The following ALX1 variants were observed in gnomAD, a reference collection of about 807,000 sequenced individuals.
ALX1 encodes ALX homeobox 1.
Under a neutral mutation model 31.7 loss-of-function variants are expected in ALX1, and 19 were observed. That is an observed-to-expected ratio of 0.60 (90% confidence interval 0.42 to 0.88). ALX1 has a LOEUF of 0.88. Among genes scored for constraint, ALX1 ranks in the 40% least tolerant of loss-of-function variants. The probability of loss-of-function intolerance (pLI) is 0.00; values close to 1 mark genes in which losing one functional copy is unlikely to be tolerated. For missense variants in ALX1, 415 were observed against 407.8 expected, an observed-to-expected ratio of 1.02 and a Z score of -0.15; for synonymous variants, 153 against 148.8, an observed-to-expected ratio of 1.03 and a Z score of -0.20.
intron 3 of ALX1, among the ~76,000 whole-genome samples, chr12:85,299,407 A>C (rs1896932669): frequency 6.6e-6 from 1 of 151,618 alleles, no homozygotes; most frequent in Non-Finnish European, 1.5e-5. Context: ...CCAGAATTAG[A>C]ACATAGCCTG....
intron 3 of ALX1, among the ~76,000 whole-genome samples, chr12:85,288,279 T>C (rs1005719363): frequency 6.6e-6 from 1 of 151,510 alleles, no homozygotes; most frequent in Non-Finnish European, 1.5e-5. Flanking sequence ...AGAAGACTAT[T>C]CTTATGGATA....
At position 85,301,611 on chromosome 12, in the gene ALX1, A is replaced by G; in HGVS notation, c.*136A>G. On this transcript the variant is annotated 3_prime_UTR_variant, in exon 4 of 4. Coordinates refer to ENST00000316824, the MANE Select transcript of ALX1 (RefSeq NM_006982.3). ...ATATTCAGTGAGACCAGCTTAAATG[A>G]ATAGTTGTTATTTAACATTAAAATC... 1 of 879,254 alleles carries G rather than the reference A, an allele frequency of 1.1e-6. No homozygotes were observed. The highest frequency in any genetic ancestry group is 1.8e-6 in the Non-Finnish European group (1 of 570,556). The allele number at this position is 879,254 out of a possible 1,614,324, so 54.5% of individuals were successfully genotyped here.
intron 1 of ALX1, among the ~76,000 whole-genome samples, chr12:85,281,395 A>G (rs1896671185): frequency 6.6e-6 from 1 of 152,214 alleles, no homozygotes; most frequent in Non-Finnish European, 1.5e-5. Context: ...TACAATTCCA[A>G]GAGAACTTCT....
intron 3 of ALX1, among the ~76,000 whole-genome samples, chr12:85,299,746 TA>T (rs941999554): frequency 8.6e-5 from 13 of 151,874 alleles, no homozygotes; most frequent in African/African-American, 2.7e-4. Context: ...TTTATTAACA[TA>T]TTTTTTGCTC....
At chr12:85,289,776 A>G (rs1896794088) in intron 3 of ALX1, among the ~76,000 whole-genome samples, 1 of 151,266 alleles carries the variant, frequency 6.6e-6, no homozygotes, top group Non-Finnish European at 1.5e-5. Context: ...TTTAACTTAA[A>G]TATATACAAG....
At chr12:85,285,095 A>T (rs1896732333) in intron 2 of ALX1, among the ~76,000 whole-genome samples, 1 of 152,234 alleles carries the variant, frequency 6.6e-6, no homozygotes. Flanking sequence ...CCCGCTGTGT[A>T]AGTTTGAGAT....
chr12:85,286,030 GT>G (rs1896742118), intron 2 of ALX1, among the ~76,000 whole-genome samples: 1 of 151,894 alleles, frequency 6.6e-6, no homozygotes, highest in Non-Finnish European at 1.5e-5. Context: ...AGCTGCCACA[GT>G]AACTGATAGA....
chr12:85,287,212 A>G (rs2137380676), intron 3 of ALX1, among the ~76,000 whole-genome samples: 1 of 151,746 alleles, frequency 6.6e-6, no homozygotes, highest in African/African-American at 2.4e-5. Context: ...TTTTCTTTTG[A>G]ATTTTGTTGT....
intron 3 of ALX1, 106 bp downstream of exon 3, chr12:85,287,087 T>A (rs1896758795): frequency 1.5e-6 from 2 of 1,335,100 alleles, no homozygotes; most frequent in Admixed American, 3.8e-5. Flanking sequence ...TAGCCAAGAA[T>A]GAAAATCTAA....
At chr12:85,280,565 G>A (rs1896656351) in intron 1 of ALX1, 78 bp downstream of exon 1, 3 of 1,486,432 alleles carry the variant, frequency 2.0e-6, no homozygotes, top group African/African-American at 1.4e-5. Context: ...GATCAGGCAG[G>A]GAGGGAGAAA....
rs1896756883 is a variant in ALX1, at chr12:85,286,960, A to G, written c.639A>G (p.Pro213=). ...FAATYDISVL[P]RTDSYPQIQN... ...CCACCTATGATATATCAGTTTTGCC[A>G]AGGACTGACAGCTACCCACAGGTAT... The change falls in exon 3 of 4, where the codon CCA becomes CCG. Residue 213 remains proline (P), a synonymous_variant. Transcript: ENST00000316824. 6.2e-7 allele frequency: 1 copy of G among 1,612,212 alleles called. No homozygotes were observed.
chr12:85,298,469 G>A (rs776953280), intron 3 of ALX1, among the ~76,000 whole-genome samples: 15 of 151,622 alleles, frequency 9.9e-5, no homozygotes, highest in South Asian at 2.1e-4. Context: ...ACAATATACC[G>A]AGGATATTAT....
At chr12:85,286,141 A>T (rs1040889734) in intron 2 of ALX1, among the ~76,000 whole-genome samples, 4 of 151,938 alleles carry the variant, frequency 2.6e-5, no homozygotes, top group Admixed American at 6.6e-5. Flanking sequence ...GAGCATTTTC[A>T]TAAGGGAAAA....
At chr12:85,298,987 CT>C (rs924453150) in intron 3 of ALX1, among the ~76,000 whole-genome samples, 1 of 151,176 alleles carries the variant, frequency 6.6e-6, no homozygotes, top group African/African-American at 2.4e-5. Context: ...CTGATTTTAG[CT>C]TTTTCATCTA....
intron 2 of ALX1, among the ~76,000 whole-genome samples, chr12:85,285,249 CAG>C (rs1565940784): frequency 6.6e-6 from 1 of 152,002 alleles, no homozygotes; most frequent in East Asian, 1.9e-4. Context: ...AGAACATGCA[CAG>C]AGAGCCAACT....
At chr12:85,283,975 C>G in intron 2 of ALX1, 99 bp downstream of exon 2, 1 of 1,305,244 alleles carries the variant, frequency 7.7e-7, no homozygotes, top group Non-Finnish European at 1.1e-6. Context: ...CAAACTGATT[C>G]CCTAGCTGAA....
At position 85,285,074 on chromosome 12, in the gene ALX1, G is replaced by A. The variant is rs1427171123; in HGVS notation, c.531+1198G>A. On this transcript the variant is annotated intron_variant, in intron 2 of 3. Coordinates refer to ENST00000316824, the MANE Select transcript of ALX1 (RefSeq NM_006982.3). The stretch of plus-strand genomic sequence containing the variant: ...GCTAACAAAGAATTTTAGAATTGTC[G>A]AGTATTAACACCCGCTGTGTAAGTT... Among the ~76,000 whole-genome samples the A allele has an allele frequency of 3.3e-5, 5 of 152,056 alleles. No homozygotes were observed. The East Asian group carries it at 7.7e-4, about 24-fold the overall frequency.
intron 2 of ALX1, 103 bp from the exon 3 acceptor site, chr12:85,286,750 T>TA: frequency 9.2e-7 from 1 of 1,082,478 alleles, no homozygotes; most frequent in Non-Finnish European, 1.2e-6. Flanking sequence ...TTTTACGTAA[T>TA]TTTTTTAACC....
At chr12:85,298,508 A>G (rs950817280) in intron 3 of ALX1, among the ~76,000 whole-genome samples, 1 of 151,760 alleles carries the variant, frequency 6.6e-6, no homozygotes, top group African/African-American at 2.4e-5. Flanking sequence ...AAATAAATTT[A>G]CAATGTGGAA....
Sources: allele counts gnomAD v4.1 joint callset (sites outside exome capture counted in the v4.1 genomes callset), GRCh38; gene constraint gnomAD v4.1.1; transcripts MANE v1.5; gene names NCBI Gene and HGNC (gene_info 2026-07-23, HGNC 2026-07-21).